The following CACNA1S variants were observed in gnomAD, a reference collection of about 807,000 sequenced individuals.
CACNA1S encodes calcium voltage-gated channel subunit alpha1 S.
A neutral mutation model predicts 207.4 loss-of-function variants in CACNA1S; 126 were observed. The observed-to-expected ratio is 0.61, with a 90% CI of 0.53 to 0.70. The LOEUF (loss-of-function observed/expected upper bound fraction) is 0.70. Ranked by LOEUF, CACNA1S falls within the 30% of genes least tolerant of loss-of-function variation. The pLI is 0.00. For synonymous variants in CACNA1S, 960 were observed against 932.7 expected (o/e 1.03, Z -0.53); for missense variants, 2,349 against 2,422.8 (o/e 0.97, Z 0.64).
In CACNA1S at chr1:201,052,605, C is replaced by T. The variant is rs200042281; in HGVS notation, c.3905G>A (p.Arg1302Gln). The T allele has an allele frequency of 9.9e-5, 159 of 1,613,878 alleles. No homozygotes were observed. Among genetic ancestry groups the T allele is most frequent in the Middle Eastern group, 3.3e-4 (2 of 6,062 alleles). Residue 1302 changes from arginine to glutamine, a missense_variant, in exon 32 of 44, where the codon CGG (arginine) becomes CAG (glutamine). Arg to Gln is a conservative substitution (Grantham distance 43). Transcript: ENST00000362061. ...IALVDGTQINRNNNFQTFPQA... is the reference protein window; with the variant it reads ...IALVDGTQINQNNNFQTFPQA... ...TGGGAAGGTCTGGAAGTTGTTGTTC[C>T]GGTTTATTTGGGTCCCATCCACCAA...
chr1:201,102,353 A>G (rs1469206848), intron 2 of CACNA1S, among the ~76,000 whole-genome samples: 2 of 152,174 alleles, frequency 1.3e-5, no homozygotes, highest in South Asian at 4.1e-4. Flanking sequence ...GGGAGGGCAA[A>G]GGTAGGGAAG....
chr1:201,090,328 A>C (rs1662179048), intron 5 of CACNA1S, among the ~76,000 whole-genome samples: 1 of 152,208 alleles, frequency 6.6e-6, no homozygotes. Flanking sequence ...GGTGTGATCA[A>C]AGGTCACCTC....
In CACNA1S at chr1:201,039,898, C is replaced by A; in HGVS notation, c.5555G>T (p.Gly1852Val). ...TTGGTCGAGGCTGCCCAGGGAGGAC[C>A]CGAGGTTCAGGCATCCCAGGGAGCT... ...MASSLGCLNL[G>V]SSLGSLDQHQ... The change falls in exon 44 of 44, where the codon GGG (glycine) becomes GTG (valine). Residue 1852 changes from glycine to valine, a missense_variant. Coordinates refer to ENST00000362061, the MANE Select transcript of CACNA1S (RefSeq NM_000069.3). 6.2e-7 allele frequency: 1 copy of A among 1,613,424 alleles called. No individual in the cohort carries two copies. The highest frequency in any genetic ancestry group is 8.5e-7 in the Non-Finnish European group (1 of 1,180,030).
At position 201,093,955 on chromosome 1, in the gene CACNA1S, C is replaced by T. The variant is rs764602257; in HGVS notation, c.325G>A (p.Gly109Ser). 1.8e-5 allele frequency: 29 copies of T among 1,614,018 alleles called. No individual in the cohort carries two copies. The highest frequency in any genetic ancestry group is 2.2e-5 in the East Asian group (1 of 44,892). Residue 109 changes from glycine to serine, a missense_variant, in exon 3 of 44, where the codon GGC becomes AGC. Gly to Ser is a moderately conservative substitution (Grantham distance 56). Transcript: ENST00000362061. Reference protein sequence around the residue: ...IEAAMKIIAYGFLFHQDAYLR... With the variant: ...IEAAMKIIAYSFLFHQDAYLR... Reference sequence around the variant, plus strand: ...TAAGCGTCCTGGTGGAATAAGAAGCCGTAGGCAATGATCTTCATGGCGGCT... The same window carrying T: ...TAAGCGTCCTGGTGGAATAAGAAGCTGTAGGCAATGATCTTCATGGCGGCT...
At chr1:201,069,731 C>A in intron 17 of CACNA1S, 130 bp from the exon 18 acceptor site, 1 of 1,112,966 alleles carries the variant, frequency 9.0e-7, no homozygotes, top group Non-Finnish European at 1.3e-6. Context: ...GAAGTGCAGC[C>A]CTGCACCTGC....
intron 10 of CACNA1S, 68 bp from the exon 11 acceptor site, chr1:201,078,172 T>A: frequency 7.8e-7 from 1 of 1,278,136 alleles, no homozygotes; most frequent in Non-Finnish European, 1.1e-6. Flanking sequence ...GCCTTGGCTG[T>A]GGCTGGGCCT....
At chr1:201,093,380 C>T (rs532217486) in intron 3 of CACNA1S, among the ~76,000 whole-genome samples, 1 of 152,344 alleles carries the variant, frequency 6.6e-6, no homozygotes, top group Non-Finnish European at 1.5e-5. Context: ...CTTGAATTTC[C>T]AGACTCCAGA....
chr1:201,052,970 G>A (rs531018398), intron 31 of CACNA1S, among the ~76,000 whole-genome samples: 15 of 152,200 alleles, frequency 9.9e-5, no homozygotes, highest in African/African-American at 3.1e-4. Context: ...TCAGGCCTTA[G>A]AGAGACAGCC....
chr1:201,106,343 A>G (rs1662884730), intron 2 of CACNA1S, among the ~76,000 whole-genome samples: 1 of 151,486 alleles, frequency 6.6e-6, no homozygotes, highest in East Asian at 2.0e-4. Flanking sequence ...CGTCACCCCA[A>G]TCCATGCTCC....
At chr1:201,044,125 T>C (rs545129883) in intron 39 of CACNA1S, among the ~76,000 whole-genome samples, 22 of 151,720 alleles carry the variant, frequency 1.5e-4, no homozygotes, top group African/African-American at 5.3e-4. Context: ...TGGGAAAGAG[T>C]GTGTTGCATT....
intron 12 of CACNA1S, among the ~76,000 whole-genome samples, chr1:201,075,990 C>A (rs1317221219): frequency 6.6e-6 from 1 of 152,210 alleles, no homozygotes; most frequent in Non-Finnish European, 1.5e-5. Context: ...ATTGCTTGAA[C>A]CCAGGAGGTG....
At chr1:201,108,799 C>T (rs762390002) in intron 2 of CACNA1S, among the ~76,000 whole-genome samples, 1 of 152,190 alleles carries the variant, frequency 6.6e-6, no homozygotes, top group Non-Finnish European at 1.5e-5. Context: ...CTCCTCCCTC[C>T]CAGGCCCTGC....
chr1:201,059,321 AG>A (rs1660962878), intron 26 of CACNA1S, 22 bp from the exon 27 acceptor site: 1 of 1,551,788 alleles, frequency 6.4e-7, no homozygotes, highest in Non-Finnish European at 8.9e-7. Context: ...ACACAGGAGC[AG>A]TGGGTCAGGG....
chr1:201,052,577 T>C lies in CACNA1S; in HGVS notation c.3933A>G (p.Gln1311=), dbSNP rs893612291. 3 of 1,613,760 alleles carry C rather than the reference T, an allele frequency of 1.9e-6. No homozygotes were observed. Among genetic ancestry groups the C allele is most frequent in the Non-Finnish European group, 2.5e-6 (3 of 1,179,838 alleles). The change falls in exon 32 of 44, where the codon CAA becomes CAG. Residue 1311 remains glutamine, a synonymous_variant. Coordinates refer to ENST00000362061, the MANE Select transcript of CACNA1S (RefSeq NM_000069.3). ...NRNNNFQTFP[Q]AVLLLFRCAT... ...CGTGCCTGAAGAGCAGTAGCACAGC[T>C]TGTGGGAAGGTCTGGAAGTTGTTGT...
At chr1:201,098,990 C>A (rs1320534703) in intron 2 of CACNA1S, among the ~76,000 whole-genome samples, 2 of 152,176 alleles carry the variant, frequency 1.3e-5, no homozygotes, top group Non-Finnish European at 2.9e-5. Context: ...GGCATTGGAG[C>A]CAGGTACTTC....
chr1:201,090,448 T>C (rs1662183614), intron 5 of CACNA1S, among the ~76,000 whole-genome samples: 1 of 152,234 alleles, frequency 6.6e-6, no homozygotes, highest in Non-Finnish European at 1.5e-5. Flanking sequence ...GACCAGAGTT[T>C]ACTCTTGTGA....
At chr1:201,109,872 T>G (rs566477814) in intron 2 of CACNA1S, among the ~76,000 whole-genome samples, 1 of 152,086 alleles carries the variant, frequency 6.6e-6, no homozygotes. Context: ...ACTTTATGAG[T>G]TGGTTGTGAG....
chr1:201,108,341 T>G (rs4915216), intron 2 of CACNA1S, among the ~76,000 whole-genome samples: 70,029 of 151,562 alleles, frequency 0.46, 16,808 homozygotes, highest in East Asian at 0.81. Flanking sequence ...GGATGCAAGA[T>G]TTCTTCACGT....
chr1:201,097,128 C>G (rs1046811398), intron 2 of CACNA1S, among the ~76,000 whole-genome samples: 2 of 152,072 alleles, frequency 1.3e-5, no homozygotes, highest in Non-Finnish European at 2.9e-5. Flanking sequence ...CCACCCCTAC[C>G]GTCTCCTGCA....
Sources: gnomAD v4.1 joint callset for allele counts (sites outside exome capture counted in the v4.1 genomes callset) on GRCh38, gnomAD v4.1.1 for gene constraint, MANE v1.5 for transcripts, NCBI Gene and HGNC (gene_info 2026-07-23, HGNC 2026-07-21) for gene names.